The following LRRC4C variants were observed in gnomAD, a reference collection of about 807,000 sequenced individuals.
LRRC4C encodes leucine rich repeat containing 4C.
LRRC4C carries 5 observed loss-of-function variants against 33.6 expected under a neutral mutation model. The observed-to-expected ratio is 0.15, with a 90% CI of 0.08 to 0.31. LRRC4C has a LOEUF of 0.31. LRRC4C is among the 10% of genes least tolerant of loss of function. LRRC4C has a pLI of 1.00. For missense variants in LRRC4C, 560 were observed against 796.7 expected, an observed-to-expected ratio of 0.70 and a Z score of 3.58; for synonymous variants, 329 against 302.0, an observed-to-expected ratio of 1.09 and a Z score of -0.93.
At chr11:41,405,992 G>T (rs1275157650) in intron 1 of LRRC4C, among the ~76,000 whole-genome samples, 1 of 152,126 alleles carries the variant, frequency 6.6e-6, no homozygotes, top group Non-Finnish European at 1.5e-5. Flanking sequence ...TCACAGGACA[G>T]CTGTCTCCCT....
chr11:40,513,045 C>G (rs1406608997), intron 3 of LRRC4C, among the ~76,000 whole-genome samples: 1 of 151,612 alleles, frequency 6.6e-6, no homozygotes, highest in Non-Finnish European at 1.5e-5. Context: ...GTCAGGAGAT[C>G]GAGACCATCC....
At chr11:41,218,275 C>T (rs544596830) in intron 1 of LRRC4C, among the ~76,000 whole-genome samples, 1 of 152,134 alleles carries the variant, frequency 6.6e-6, no homozygotes, top group African/African-American at 2.4e-5. Context: ...GTATGTTCAA[C>T]TTACTTTACT....
chr11:40,340,646 A>G (rs552996246), intron 3 of LRRC4C, among the ~76,000 whole-genome samples: 2 of 152,322 alleles, frequency 1.3e-5, no homozygotes, highest in Admixed American at 1.3e-4. Flanking sequence ...ATTCTACAAT[A>G]TAGGAATTTT....
chr11:40,869,254 C>T (rs1248141671), intron 2 of LRRC4C, among the ~76,000 whole-genome samples: 1 of 152,044 alleles, frequency 6.6e-6, no homozygotes, highest in East Asian at 1.9e-4. Context: ...ATTGAAATCT[C>T]AATCAGCTTT....
intron 1 of LRRC4C, among the ~76,000 whole-genome samples, chr11:40,948,636 C>T (rs1392333060): frequency 1.6e-4 from 23 of 147,332 alleles, no homozygotes; most frequent in Non-Finnish European, 1.5e-4. Flanking sequence ...TTTGTTCTTG[C>T]GATAGTTTAC....
intron 1 of LRRC4C, among the ~76,000 whole-genome samples, chr11:41,249,848 C>A (rs1482604473): frequency 1.3e-5 from 2 of 152,120 alleles, no homozygotes; most frequent in Non-Finnish European, 2.9e-5. Context: ...TTGCATTTGT[C>A]ACTGGCTATC....
At chr11:40,731,585 C>T (rs36118574) in intron 2 of LRRC4C, among the ~76,000 whole-genome samples, 5,567 of 152,224 alleles carry the variant, frequency 0.037, 101 homozygotes, top group Middle Eastern at 0.054. Context: ...AGTACACTCC[C>T]ATTACGACAT....
At chr11:40,317,636 TC>T (rs1945641899) in intron 4 of LRRC4C, among the ~76,000 whole-genome samples, 1 of 152,152 alleles carries the variant, frequency 6.6e-6, no homozygotes, top group African/African-American at 2.4e-5. Flanking sequence ...TGTCTCTTGG[TC>T]CATCCTACAT....
chr11:40,305,581 A>G lies in LRRC4C; in HGVS notation c.-176+14047T>C, dbSNP rs913748833. The stretch of plus-strand genomic sequence containing the variant: ...AGTCTTAACTGAATGATGACTATGT[A>G]TCCAGTTGTATTTACATTTGTCAAA... On this transcript the variant is annotated intron_variant, in intron 4 of 6. Transcript: ENST00000528697. 2.6e-5 allele frequency among the ~76,000 whole-genome samples: 4 copies of G among 151,766 alleles called. No individual in the cohort carries two copies. The East Asian group carries it at 7.8e-4, about 30-fold the overall frequency.
intron 3 of LRRC4C, among the ~76,000 whole-genome samples, chr11:40,646,921 T>A (rs1375244968): frequency 6.6e-6 from 1 of 152,150 alleles, no homozygotes; most frequent in Non-Finnish European, 1.5e-5. Flanking sequence ...TTCTCTCTCT[T>A]TTTGGTTGAT....
rs1861756051 is a variant in LRRC4C, at chr11:40,190,559, C to T, written c.-95-49706G>A. On this transcript the variant is annotated intron_variant, in intron 5 of 6. Transcript: ENST00000528697. Reference sequence around the variant, plus strand: ...ATTGGACACAGATGCATTTAATTAGCAGTTTGTGTCATCAATTAGAACATG... The same window carrying T: ...ATTGGACACAGATGCATTTAATTAGTAGTTTGTGTCATCAATTAGAACATG... Among the ~76,000 whole-genome samples, 5 of 152,142 alleles carry T rather than the reference C, an allele frequency of 3.3e-5. No homozygotes were observed. In the South Asian group the frequency reaches 1.0e-3, roughly 32 times the overall value.
intron 2 of LRRC4C, among the ~76,000 whole-genome samples, chr11:40,701,259 G>A (rs1393919688): frequency 6.6e-6 from 1 of 152,014 alleles, no homozygotes. Context: ...CCGAACCACA[G>A]TATTATATTA....
chr11:40,764,739 G>T (rs1405787518), intron 2 of LRRC4C, among the ~76,000 whole-genome samples: 1 of 152,002 alleles, frequency 6.6e-6, no homozygotes, highest in Admixed American at 6.5e-5. Context: ...CAAGGAGAGA[G>T]AAATTCCATT....
intron 1 of LRRC4C, among the ~76,000 whole-genome samples, chr11:41,164,166 T>C (rs1944610807): frequency 2.0e-5 from 3 of 149,282 alleles, no homozygotes; most frequent in Admixed American, 1.4e-4. Flanking sequence ...CCTTATTACA[T>C]ACTTCTTTTT....
chr11:40,372,350 A>G (rs1274830648), intron 3 of LRRC4C, among the ~76,000 whole-genome samples: 1 of 152,186 alleles, frequency 6.6e-6, no homozygotes, highest in African/African-American at 2.4e-5. Flanking sequence ...TGGGATTTCA[A>G]AAATCTCTGC....
At chr11:40,281,816 A>T (rs1038702879) in intron 4 of LRRC4C, among the ~76,000 whole-genome samples, 1 of 152,164 alleles carries the variant, frequency 6.6e-6, no homozygotes, top group Non-Finnish European at 1.5e-5. Flanking sequence ...ATAATTAGGG[A>T]ACTGTATTAG....
intron 4 of LRRC4C, among the ~76,000 whole-genome samples, chr11:40,263,738 G>A (rs1161443543): frequency 6.6e-6 from 1 of 152,188 alleles, no homozygotes; most frequent in Non-Finnish European, 1.5e-5. Flanking sequence ...GGCCATTCAT[G>A]CGGCTAAATT....
chr11:41,454,071 C>T (rs1339008580), intron 1 of LRRC4C, among the ~76,000 whole-genome samples: 2 of 152,012 alleles, frequency 1.3e-5, no homozygotes, highest in Admixed American at 1.3e-4. Flanking sequence ...ATAAAAAGAA[C>T]CCACAACCTG....
intron 1 of LRRC4C, among the ~76,000 whole-genome samples, chr11:41,098,250 T>G (rs1034182965): frequency 6.6e-6 from 1 of 152,128 alleles, no homozygotes; most frequent in African/African-American, 2.4e-5. Context: ...CTCATTGTCT[T>G]TAGGGTTCTA....
Sources: allele counts gnomAD v4.1 joint callset (sites outside exome capture counted in the v4.1 genomes callset), GRCh38; gene constraint gnomAD v4.1.1; transcripts MANE v1.5; gene names NCBI Gene and HGNC (gene_info 2026-07-23, HGNC 2026-07-21).